Variants in DCTN2 observed in about 807,000 individuals in gnomAD.
DCTN2 encodes the protein dynactin subunit 2, also known as 50 kDa dynein-associated polypeptide.
Under a neutral mutation model 55.4 loss-of-function variants are expected in DCTN2, and 18 were observed. The ratio of observed to expected loss-of-function variants is 0.32; its 90% CI spans 0.22 to 0.48. The LOEUF is 0.48. Among genes scored for constraint, DCTN2 ranks in the 20% least tolerant of loss-of-function variants. The probability of loss-of-function intolerance (pLI) is 0.99; values close to 1 mark genes in which losing one functional copy is unlikely to be tolerated. For missense variants in DCTN2, 390 were observed against 491.0 expected (o/e 0.79, Z 1.94); for synonymous variants, 168 against 185.2 (o/e 0.91, Z 0.76).
chr12:57,546,336 T>A (rs527800590), intron 1 of DCTN2, among the ~76,000 whole-genome samples: 89 of 152,172 alleles, frequency 5.8e-4, no homozygotes, highest in African/African-American at 2.0e-3. Flanking sequence ...ATAGCAACGA[T>A]GTTACCCTAA....
In DCTN2 at chr12:57,533,030, G is replaced by C. The variant is rs1239246094; in HGVS notation, c.736-8C>G. The C allele has an allele frequency of 3.1e-6, 5 of 1,595,368 alleles. No homozygotes were observed. Among genetic ancestry groups the C allele is most frequent in the Admixed American group, 1.8e-5 (1 of 55,744 alleles). On this transcript the variant is annotated splice_polypyrimidine_tract_variant and splice_region_variant and intron_variant, in intron 8 of 13. Transcript: ENST00000548249. ...ACCTGCAGAAAGGGGATTCTGGTGGGAAAGGAAGGGAAGAAGTGAGTGGTC... is the reference window on the plus strand; with the variant it reads ...ACCTGCAGAAAGGGGATTCTGGTGGCAAAGGAAGGGAAGAAGTGAGTGGTC...
At chr12:57,543,051 G>A (rs1880830266) in intron 2 of DCTN2, 1 of 454,238 alleles carries the variant, frequency 2.2e-6, no homozygotes, top group East Asian at 7.0e-5. Context: ...GTTGTCAGGG[G>A]TTAAGAAGGT....
At chr12:57,542,364 A>C (rs573163497) in intron 2 of DCTN2, among the ~76,000 whole-genome samples, 1 of 152,318 alleles carries the variant, frequency 6.6e-6, no homozygotes, top group South Asian at 2.1e-4. Flanking sequence ...GGGAATCGGA[A>C]AATGTTTATG....
intron 2 of DCTN2, chr12:57,543,075 C>A (rs140875731): frequency 3.1e-4 from 142 of 452,670 alleles, no homozygotes; most frequent in African/African-American, 2.6e-3. Context: ...TGAGGCTGGG[C>A]ATGGTGGCTC....
In DCTN2 at chr12:57,547,087, G is replaced by A; in HGVS notation, c.-24C>T. Reference sequence around the variant, plus strand: ...ATGGCGGCGGCGAGACGGGCTGGGGGACCCGGGCCTCGGTGGAGCCGGGGC... The same window carrying A: ...ATGGCGGCGGCGAGACGGGCTGGGGAACCCGGGCCTCGGTGGAGCCGGGGC... On this transcript the variant is annotated 5_prime_UTR_variant, in exon 1 of 14. Transcript: ENST00000548249. 2.4e-6 allele frequency: 3 copies of A among 1,263,864 alleles called. No homozygotes were observed. The highest frequency in any genetic ancestry group is 3.7e-5 in the South Asian group (1 of 26,870). 78.3% of individuals were successfully genotyped at this position (1,263,864 alleles called of 1,614,324 possible).
chr12:57,534,504 CA>C (rs1195999895), intron 5 of DCTN2, 52 bp from the exon 6 acceptor site: 8 of 1,538,046 alleles, frequency 5.2e-6, no homozygotes, highest in East Asian at 2.3e-5. Flanking sequence ...AATCAAGAAG[CA>C]AAAAAATAGG....
chr12:57,536,172 G>GC (rs1242467966), intron 2 of DCTN2: 2 of 299,470 alleles, frequency 6.7e-6, no homozygotes, highest in Non-Finnish European at 1.2e-5. Context: ...TGCACTCAAG[G>GC]CAAGAAACCA....
At chr12:57,532,460 T>A in intron 11 of DCTN2, 112 bp downstream of exon 11, 1 of 1,345,876 alleles carries the variant, frequency 7.4e-7, no homozygotes. Context: ...AAGCTCTTCA[T>A]AAGAGCTTAT....
intron 2 of DCTN2, among the ~76,000 whole-genome samples, chr12:57,539,803 G>A (rs925657508): frequency 2.6e-5 from 4 of 152,126 alleles, no homozygotes; most frequent in Non-Finnish European, 4.4e-5. Context: ...GAGGTGGGTG[G>A]ATCACTTGAG....
At chr12:57,536,253 A>C (rs1880224303) in intron 2 of DCTN2, among the ~76,000 whole-genome samples, 1 of 152,168 alleles carries the variant, frequency 6.6e-6, no homozygotes, top group African/African-American at 2.4e-5. Flanking sequence ...TTTAATGCTA[A>C]CCTCCCATCC....
intron 2 of DCTN2, among the ~76,000 whole-genome samples, chr12:57,537,267 G>A (rs1880312925): frequency 6.6e-6 from 1 of 151,156 alleles, no homozygotes; most frequent in East Asian, 2.0e-4. Flanking sequence ...CTGGCAGGTG[G>A]AGGATGCAGT....
intron 4 of DCTN2, 143 bp from the exon 5 acceptor site, chr12:57,535,297 G>A (rs1880137470): frequency 6.2e-6 from 6 of 971,042 alleles, no homozygotes; most frequent in African/African-American, 1.6e-5. Flanking sequence ...ACTGAGGACA[G>A]CTAGAGGGCT....
chr12:57,544,866 C>T (rs1274947002), intron 2 of DCTN2, among the ~76,000 whole-genome samples: 1 of 152,192 alleles, frequency 6.6e-6, no homozygotes. Flanking sequence ...TGAGCAACAA[C>T]ATCATCTGCA....
At chr12:57,541,848 C>A (rs996083484) in intron 2 of DCTN2, among the ~76,000 whole-genome samples, 1 of 152,158 alleles carries the variant, frequency 6.6e-6, no homozygotes, top group African/African-American at 2.4e-5. Context: ...CCCAATTAAC[C>A]TGGGAGTGTC....
At chr12:57,544,978 C>G (rs566623053) in intron 2 of DCTN2, among the ~76,000 whole-genome samples, 1 of 152,272 alleles carries the variant, frequency 6.6e-6, no homozygotes, top group African/African-American at 2.4e-5. Context: ...GAAGGTGTTT[C>G]CCACAATGTA....
chr12:57,532,628 C>T lies in DCTN2; in HGVS notation c.868G>A (p.Val290Met), dbSNP rs370959939. 28 of 1,613,864 alleles carry T rather than the reference C, an allele frequency of 1.7e-5. No individual in the cohort carries two copies. In the African/African-American group the frequency reaches 2.4e-4, roughly 14 times the overall value. The change falls in exon 11 of 14, where the codon GTG becomes ATG. Residue 290 changes from valine to methionine, a missense_variant. By Grantham distance (21) the Val-to-Met change is conservative (BLOSUM62 1). Transcript: ENST00000548249. ...EARLQSVLGK[V>M]NEIAKHKASV... ...GCTTTATGCTTGGCAATCTCGTTCACCTTTCCCAGGACACTCTGAAAACAC... is the reference window on the plus strand; with the variant it reads ...GCTTTATGCTTGGCAATCTCGTTCATCTTTCCCAGGACACTCTGAAAACAC...
At chr12:57,538,202 A>G in intron 2 of DCTN2, 3 of 455,364 alleles carry the variant, frequency 6.6e-6, no homozygotes, top group South Asian at 5.8e-5. Flanking sequence ...ACAGGGACAG[A>G]GAGCATTTTC....
intron 2 of DCTN2, chr12:57,543,851 T>C: frequency 7.8e-7 from 1 of 1,286,894 alleles, no homozygotes; most frequent in Non-Finnish European, 1.0e-6. Flanking sequence ...ACTCACAGTA[T>C]CCTCTCCTCA....
chr12:57,545,484 AG>A (rs1206290901), intron 2 of DCTN2, among the ~76,000 whole-genome samples: 2 of 152,212 alleles, frequency 1.3e-5, no homozygotes, highest in Non-Finnish European at 2.9e-5. Context: ...CTCCATCCTC[AG>A]AATTCTCGGA....
Sources: gnomAD v4.1 joint callset for allele counts (sites outside exome capture counted in the v4.1 genomes callset) on GRCh38, gnomAD v4.1.1 for gene constraint, MANE v1.5 for transcripts, NCBI Gene and HGNC (gene_info 2026-07-23, HGNC 2026-07-21) for gene names.